The following DNER variants were observed in gnomAD, a reference collection of about 807,000 sequenced individuals.
DNER encodes the protein delta and Notch-like epidermal growth factor-related receptor.
In DNER, 33 loss-of-function variants were observed where a neutral mutation model predicts 78.2. The ratio of observed to expected loss-of-function variants is 0.42; its 90% CI spans 0.32 to 0.56. The LOEUF (loss-of-function observed/expected upper bound fraction) is 0.56. Among genes scored for constraint, DNER ranks in the 20% least tolerant of loss-of-function variants. The pLI is 0.11. For missense variants in DNER, 918 were observed against 975.3 expected, an observed-to-expected ratio of 0.94 and a Z score of 0.78; for synonymous variants, 417 against 384.8, an observed-to-expected ratio of 1.08 and a Z score of -0.98.
intron 3 of DNER, 39 bp downstream of exon 3, chr2:229,588,355 G>T: frequency 6.3e-7 from 1 of 1,590,438 alleles, no homozygotes; most frequent in Non-Finnish European, 8.6e-7. Flanking sequence ...ATAGGTCATA[G>T]CATCACTCTT....
intron 9 of DNER, among the ~76,000 whole-genome samples, chr2:229,414,625 G>C (rs972379060): frequency 2.0e-5 from 3 of 152,068 alleles, no homozygotes; most frequent in African/African-American, 7.2e-5. Flanking sequence ...TCAACACATG[G>C]CTTTGTTTTA....
intron 1 of DNER, among the ~76,000 whole-genome samples, chr2:229,603,594 G>T (rs747311967): frequency 1.3e-5 from 2 of 152,174 alleles, no homozygotes; most frequent in Non-Finnish European, 2.9e-5. Context: ...ACCCATGCTT[G>T]AAGTCAGAAG....
intron 8 of DNER, among the ~76,000 whole-genome samples, chr2:229,429,565 C>A (rs1394689939): frequency 1.3e-5 from 2 of 152,190 alleles, no homozygotes; most frequent in Admixed American, 6.5e-5. Flanking sequence ...TAAAAGACAA[C>A]CTGGGTGCCG....
intron 6 of DNER, among the ~76,000 whole-genome samples, chr2:229,488,780 AC>A (rs1341994499): frequency 2.6e-5 from 4 of 152,218 alleles, no homozygotes; most frequent in Non-Finnish European, 5.9e-5. Flanking sequence ...CTTTGCTCCA[AC>A]CTGGCTCCCC....
chr2:229,383,382 A>C (rs1692789545), intron 11 of DNER, among the ~76,000 whole-genome samples: 2 of 152,228 alleles, frequency 1.3e-5, no homozygotes, highest in Non-Finnish European at 2.9e-5. Context: ...AGCTAGCATC[A>C]TAATGACAGG....
chr2:229,570,981 G>A (rs1697209172), intron 4 of DNER, among the ~76,000 whole-genome samples: 3 of 152,134 alleles, frequency 2.0e-5, no homozygotes, highest in Admixed American at 1.3e-4. Flanking sequence ...AGCCATTGCA[G>A]GATTGTGAGC....
intron 1 of DNER, among the ~76,000 whole-genome samples, chr2:229,700,720 C>T (rs1699732323): frequency 1.3e-5 from 2 of 151,408 alleles, no homozygotes; most frequent in South Asian, 4.2e-4. Context: ...CGAGACTATC[C>T]TGGCTAACAC....
intron 4 of DNER, among the ~76,000 whole-genome samples, chr2:229,568,479 A>G (rs13005534): frequency 0.012 from 1,894 of 152,342 alleles, 16 homozygotes; most frequent in Non-Finnish European, 0.018. Flanking sequence ...GTAGGAGTCA[A>G]TCACACTTTA....
intron 8 of DNER, among the ~76,000 whole-genome samples, chr2:229,425,841 C>T (rs1000425213): frequency 1.3e-5 from 2 of 152,192 alleles, no homozygotes; most frequent in Non-Finnish European, 2.9e-5. Flanking sequence ...ACAGGACCTT[C>T]GAAGACCATG....
intron 8 of DNER, among the ~76,000 whole-genome samples, chr2:229,434,011 G>C (rs1006247914): frequency 5.9e-5 from 9 of 152,162 alleles, no homozygotes; most frequent in Admixed American, 5.9e-4. Context: ...ACCAAAAATT[G>C]GGAACCATGA....
At chr2:229,552,679 G>A (rs1232268848) in intron 4 of DNER, among the ~76,000 whole-genome samples, 1 of 152,164 alleles carries the variant, frequency 6.6e-6, no homozygotes, top group Non-Finnish European at 1.5e-5. Context: ...CCCAATCCCT[G>A]CGGAACTGTG....
rs1414009154 is a variant in DNER at position 229,491,968 on chromosome 2, CACACACACAG to C, written c.1148-14725_1148-14716del. 5.9e-5 allele frequency among the ~76,000 whole-genome samples: 9 copies of C among 152,116 alleles called. No homozygotes were observed. The East Asian group carries it at 1.2e-3, about 20-fold the overall frequency. On this transcript the variant is annotated intron_variant, in intron 6 of 12. Transcript: ENST00000341772. ...CCATGATTACACACACACACACACA[CACACACACAG>C]ACACACAGACACACAAACACACTAC... is the stretch of plus-strand genomic sequence containing the variant.
At chr2:229,516,310 T>C (rs1695969662) in intron 5 of DNER, among the ~76,000 whole-genome samples, 2 of 152,224 alleles carry the variant, frequency 1.3e-5, no homozygotes, top group Admixed American at 1.3e-4. Flanking sequence ...ATGTTTATTA[T>C]AGGAAACTAT....
intron 6 of DNER, among the ~76,000 whole-genome samples, chr2:229,511,988 G>A (rs1290511684): frequency 1.3e-5 from 2 of 152,192 alleles, no homozygotes; most frequent in East Asian, 1.9e-4. Flanking sequence ...ACTAAGAAGT[G>A]TATGCTGAAA....
chr2:229,385,805 C>T (rs935840902), intron 11 of DNER, among the ~76,000 whole-genome samples: 35 of 151,970 alleles, frequency 2.3e-4, no homozygotes, highest in Middle Eastern at 3.2e-3. Flanking sequence ...AACCACTGCT[C>T]AAGGAAATAA....
intron 4 of DNER, among the ~76,000 whole-genome samples, chr2:229,553,152 CTG>C (rs1342015897): frequency 6.6e-6 from 1 of 152,192 alleles, no homozygotes; most frequent in African/African-American, 2.4e-5. Context: ...CAAAAGGAAT[CTG>C]TACACTCTGA....
chr2:229,668,532 GTGTGTATATATATATATATATA>G (rs1699144803), intron 1 of DNER, among the ~76,000 whole-genome samples: 1 of 3,416 alleles, frequency 2.9e-4, no homozygotes, highest in African/African-American at 3.9e-4. Context: ...GTGTGTGTGT[GTGTGTATATATATATATATATA>G]TATATATATA....
chr2:229,368,302 G>T (rs1326647200), intron 11 of DNER, among the ~76,000 whole-genome samples: 1 of 152,142 alleles, frequency 6.6e-6, no homozygotes, highest in Non-Finnish European at 1.5e-5. Context: ...GATGGAGGTT[G>T]CAGTGAGCCA....
chr2:229,498,625 A>T (rs947221322), intron 6 of DNER, among the ~76,000 whole-genome samples: 4 of 152,214 alleles, frequency 2.6e-5, no homozygotes, highest in Non-Finnish European at 5.9e-5. Flanking sequence ...ACTAACAATG[A>T]CCTACCTAAA....
Sources: allele counts gnomAD v4.1 joint callset (sites outside exome capture counted in the v4.1 genomes callset), GRCh38; gene constraint gnomAD v4.1.1; transcripts MANE v1.5; gene names NCBI Gene and HGNC (gene_info 2026-07-23, HGNC 2026-07-21).